FADS3: variants seen among roughly 807,000 people sequenced by gnomAD.
The protein encoded by FADS3 is cytochrome b5-related protein.
Under a neutral mutation model 60.4 loss-of-function variants are expected in FADS3, and 30 were observed. That is an observed-to-expected ratio of 0.50 (90% confidence interval 0.37 to 0.67). The LOEUF is 0.67. FADS3 is among the 30% of genes least tolerant of loss of function. The probability of loss-of-function intolerance (pLI) is 0.00; values close to 1 mark genes in which losing one functional copy is unlikely to be tolerated. For synonymous variants in FADS3, 234 were observed against 249.3 expected, an observed-to-expected ratio of 0.94 and a Z score of 0.58; for missense variants, 432 against 598.3, an observed-to-expected ratio of 0.72 and a Z score of 2.90.
intron 1 of FADS3, among the ~76,000 whole-genome samples, chr11:61,888,499 G>A (rs942487083): frequency 6.6e-6 from 1 of 152,258 alleles, no homozygotes; most frequent in South Asian, 2.1e-4. Context: ...AATGGACCAA[G>A]TATTTCTGGC....
rs376103076 is a variant in FADS3, at chr11:61,873,755, C to A, written c.*59G>T. 145 of 1,364,492 alleles carry A rather than the reference C, an allele frequency of 1.1e-4. No individual in the cohort carries two copies. Among genetic ancestry groups the A allele is most frequent in the Non-Finnish European group, 1.4e-4 (138 of 967,962 alleles). The allele number at this position is 1,364,492 out of a possible 1,614,324, so 84.5% of individuals were successfully genotyped here. A position where few individuals can be genotyped will look rare whatever the true frequency, so the allele number is the denominator to read the frequency against. Reference sequence around the variant, plus strand: ...GGAGGGGTGAGGGTATCGATCCCGCCGGGGGCTGGCTTGGTTGCTGGTGCC... The same window carrying A: ...GGAGGGGTGAGGGTATCGATCCCGCAGGGGGCTGGCTTGGTTGCTGGTGCC... On this transcript the variant is annotated 3_prime_UTR_variant, in exon 12 of 12. Transcript: ENST00000278829.
chr11:61,884,016 G>A (rs921930877), intron 1 of FADS3, among the ~76,000 whole-genome samples: 4 of 152,188 alleles, frequency 2.6e-5, no homozygotes, highest in African/African-American at 7.2e-5. Flanking sequence ...CATGCTATCA[G>A]GGAGTGCGAG....
In FADS3 at chr11:61,879,938, G is replaced by A. The variant is rs188696017; in HGVS notation, c.324+103C>T. On this transcript the variant is annotated intron_variant, in intron 2 of 11. Transcript: ENST00000278829. ...CAGCCCTGGCTCTGCATCCCCTTGG[G>A]CGAATGCCGAGGGAGCTGCTCCTGG... 8.2e-4 allele frequency: 761 copies of A among 924,782 alleles called. 1 individual carries two copies. The highest frequency in any genetic ancestry group is 1.5e-3 in the Admixed American group (63 of 40,666). 57.3% of individuals were successfully genotyped at this position (924,782 alleles called of 1,614,324 possible). A position where few individuals can be genotyped will look rare whatever the true frequency, so the allele number is the denominator to read the frequency against.
chr11:61,889,186 A>C (rs1295988), intron 1 of FADS3, among the ~76,000 whole-genome samples: 90,138 of 151,628 alleles, frequency 0.59, 29,935 homozygotes, highest in Non-Finnish European at 0.75. Context: ...TGTGAGCCAC[A>C]GCGCTCGGCC....
At chr11:61,883,695 C>T (rs978708446) in intron 1 of FADS3, among the ~76,000 whole-genome samples, 2 of 152,202 alleles carry the variant, frequency 1.3e-5, no homozygotes, top group African/African-American at 4.8e-5. Context: ...CTGGGGCCAC[C>T]TTATTGAGCT....
intron 11 of FADS3, among the ~76,000 whole-genome samples, chr11:61,874,258 A>C (rs1937787859): frequency 6.6e-6 from 1 of 152,214 alleles, no homozygotes; most frequent in Non-Finnish European, 1.5e-5. Flanking sequence ...GTGGAGCCAG[A>C]AATGTCAACA....
rs1937857232 is a variant in FADS3, at chr11:61,875,874, G to A, written c.1263C>T (p.Leu421=). ...HGLSYEVKPF[L]TALVDIVRSL... Reference sequence around the variant, plus strand: ...ACCTGACGATGTCCACCAGCGCGGTGAGGAAGGGCTTCACTTCGTAGCTGA... The same window carrying A: ...ACCTGACGATGTCCACCAGCGCGGTAAGGAAGGGCTTCACTTCGTAGCTGA... Residue 421 remains leucine, a synonymous_variant, in exon 11 of 12, where the codon CTC becomes CTT. Coordinates refer to ENST00000278829, the MANE Select transcript of FADS3 (RefSeq NM_021727.5). 3 of 1,613,578 alleles carry A rather than the reference G, an allele frequency of 1.9e-6. No individual in the cohort carries two copies. The highest frequency in any genetic ancestry group is 1.3e-5 in the African/African-American group (1 of 75,074).
Position 61,873,798 on chromosome 11 carries a change from C to G in FADS3, c.*16G>C, listed in dbSNP as rs369996758. ...CTGGTGCCCTGAGCCCTTCTCTGCC[C>G]GCCTGGGTGTTGCCTTCACTGATGG... On this transcript the variant is annotated 3_prime_UTR_variant, in exon 12 of 12. Transcript: ENST00000278829. 2 of 1,607,502 alleles carry G rather than the reference C, an allele frequency of 1.2e-6. No individual in the cohort carries two copies. Among genetic ancestry groups the G allele is most frequent in the East Asian group, 4.5e-5 (2 of 44,652 alleles).
intron 1 of FADS3, chr11:61,890,485 G>A (rs957054038): frequency 2.0e-5 from 3 of 152,400 alleles, no homozygotes; most frequent in African/African-American, 7.2e-5. Context: ...AAAGGGGCTG[G>A]TCGGGCTGCT....
chr11:61,887,628 G>A (rs546801211), intron 1 of FADS3, among the ~76,000 whole-genome samples: 1 of 152,190 alleles, frequency 6.6e-6, no homozygotes, highest in African/African-American at 2.4e-5. Flanking sequence ...CAGGACGCAC[G>A]GTCCCACCTC....
intron 1 of FADS3, among the ~76,000 whole-genome samples, chr11:61,887,524 C>T (rs1160199409): frequency 6.6e-6 from 1 of 152,208 alleles, no homozygotes; most frequent in Non-Finnish European, 1.5e-5. Context: ...AGGACACAAA[C>T]ATCCAGCATG....
At chr11:61,887,015 C>A (rs570667851) in intron 1 of FADS3, among the ~76,000 whole-genome samples, 1 of 152,344 alleles carries the variant, frequency 6.6e-6, no homozygotes, top group East Asian at 1.9e-4. Context: ...TCCTCATCCG[C>A]CCTGAGTTGC....
At chr11:61,891,146 T>A in intron 1 of FADS3, 23 bp downstream of exon 1, 1 of 1,548,060 alleles carries the variant, frequency 6.5e-7, no homozygotes. Flanking sequence ...CGCCGGTGGG[T>A]GGCTTCCTTA....
intron 1 of FADS3, among the ~76,000 whole-genome samples, chr11:61,889,265 G>A (rs1938414448): frequency 6.6e-6 from 1 of 152,204 alleles, no homozygotes; most frequent in Non-Finnish European, 1.5e-5. Flanking sequence ...GAAGTCTCAG[G>A]ATCCCAAGCT....
Position 61,873,768 on chromosome 11 carries a change from G to A in FADS3, c.*46C>T, listed in dbSNP as rs1028314982. The A allele has an allele frequency of 7.2e-6, 11 of 1,522,536 alleles. No homozygotes were observed. Among genetic ancestry groups the A allele is most frequent in the Non-Finnish European group, 9.9e-6 (11 of 1,106,450 alleles). 94.3% of individuals were successfully genotyped at this position (1,522,536 alleles called of 1,614,324 possible). A position where few individuals can be genotyped will look rare whatever the true frequency, so the allele number is the denominator to read the frequency against. Reference sequence around the variant, plus strand: ...TATCGATCCCGCCGGGGGCTGGCTTGGTTGCTGGTGCCCTGAGCCCTTCTC... The same window carrying A: ...TATCGATCCCGCCGGGGGCTGGCTTAGTTGCTGGTGCCCTGAGCCCTTCTC... On this transcript the variant is annotated 3_prime_UTR_variant, in exon 12 of 12. Coordinates refer to ENST00000278829, the MANE Select transcript of FADS3 (RefSeq NM_021727.5).
At chr11:61,880,284 T>C (rs1354113904) in intron 1 of FADS3, 133 bp from the exon 2 acceptor site, 11 of 678,756 alleles carry the variant, frequency 1.6e-5, no homozygotes, top group Non-Finnish European at 2.8e-5. Flanking sequence ...GTCAGCCGGC[T>C]GATGAACAGT....
At position 61,874,350 on chromosome 11, in the gene FADS3, C is replaced by T. The variant is rs1937791340; in HGVS notation, c.1287-485G>A. Among the ~76,000 whole-genome samples the T allele has an allele frequency of 2.6e-5, 4 of 152,186 alleles. No individual in the cohort carries two copies. In the South Asian group the frequency reaches 8.3e-4, roughly 32 times the overall value. On this transcript the variant is annotated intron_variant, in intron 11 of 11. Transcript: ENST00000278829. ...CTCAGAGCATCAGGCTGGGAGAGAT[C>T]ATGAAGGAGAAGTGGGCATCTGAAC...
intron 1 of FADS3, among the ~76,000 whole-genome samples, chr11:61,883,830 C>T (rs1013717247): frequency 2.6e-5 from 4 of 151,336 alleles, no homozygotes; most frequent in African/African-American, 9.8e-5. Flanking sequence ...GCCTTCAAGC[C>T]AGATCTACCC....
upstream of FADS3, among the ~76,000 whole-genome samples, chr11:61,892,209 T>C (rs1362940863): frequency 2.0e-5 from 3 of 152,096 alleles, no homozygotes; most frequent in Non-Finnish European, 4.4e-5. Flanking sequence ...CTGCCATCCA[T>C]GGGCTGAGGA....
Sources: allele counts gnomAD v4.1 joint callset (sites outside exome capture counted in the v4.1 genomes callset), GRCh38; gene constraint gnomAD v4.1.1; transcripts MANE v1.5; gene names NCBI Gene and HGNC (gene_info 2026-07-23, HGNC 2026-07-21).